Variants in CCDC148 observed in about 807,000 individuals in gnomAD.
CCDC148 encodes the protein coiled-coil domain-containing protein 148.
CCDC148 carries 89 observed loss-of-function variants against 85.7 expected under a neutral mutation model. The ratio of observed to expected loss-of-function variants is 1.04; its 90% CI spans 0.87 to 1.24. The LOEUF (loss-of-function observed/expected upper bound fraction) is 1.24. Among genes scored for constraint, CCDC148 ranks in the 50% most tolerant of loss-of-function variants. CCDC148 has a pLI of 0.00. For missense variants in CCDC148, 692 were observed against 671.7 expected (o/e 1.03, Z -0.33); for synonymous variants, 230 against 213.9 (o/e 1.08, Z -0.66).
chr2:158,339,407 T>C (rs1468297524), intron 5 of CCDC148, among the ~76,000 whole-genome samples: 1 of 152,174 alleles, frequency 6.6e-6, no homozygotes, highest in Admixed American at 6.5e-5. Context: ...TCCCTTGCAT[T>C]CTTGCCTCTA....
At chr2:158,380,162 A>C (rs1362695044) in intron 1 of CCDC148, among the ~76,000 whole-genome samples, 1 of 152,142 alleles carries the variant, frequency 6.6e-6, no homozygotes, top group Non-Finnish European at 1.5e-5. Flanking sequence ...GAAAACATGT[A>C]CAAAAAGATA....
At chr2:158,368,320 G>A (rs896151166) in intron 1 of CCDC148, among the ~76,000 whole-genome samples, 1 of 152,130 alleles carries the variant, frequency 6.6e-6, no homozygotes. Context: ...ACATATTTCA[G>A]ATAAGGGATT....
chr2:158,227,729 C>G (rs186164483), intron 10 of CCDC148, among the ~76,000 whole-genome samples: 1,662 of 152,108 alleles, frequency 0.011, 33 homozygotes, highest in African/African-American at 0.038. Context: ...TTTAATAAAT[C>G]GTGCTGGGAA....
chr2:158,280,420 G>A (rs1320974708), intron 9 of CCDC148, among the ~76,000 whole-genome samples: 1 of 152,082 alleles, frequency 6.6e-6, no homozygotes, highest in African/African-American at 2.4e-5. Context: ...CAAAATAAAG[G>A]GATGGAGGAA....
chr2:158,239,100 T>A (rs2105319409), intron 10 of CCDC148, among the ~76,000 whole-genome samples: 1 of 152,294 alleles, frequency 6.6e-6, no homozygotes, highest in South Asian at 2.1e-4. Flanking sequence ...AATACTGCCT[T>A]GCACATAGCA....
At chr2:158,281,084 A>T (rs943167743) in intron 9 of CCDC148, among the ~76,000 whole-genome samples, 1 of 152,214 alleles carries the variant, frequency 6.6e-6, no homozygotes, top group African/African-American at 2.4e-5. Flanking sequence ...ACCGACGAGA[A>T]CAAAGACACA....
chr2:158,423,486 A>G (rs1035590112), intron 1 of CCDC148, among the ~76,000 whole-genome samples: 2 of 152,232 alleles, frequency 1.3e-5, no homozygotes, highest in Non-Finnish European at 2.9e-5. Flanking sequence ...TATTTAATAA[A>G]TGGTGCTGGG....
intron 7 of CCDC148, among the ~76,000 whole-genome samples, chr2:158,335,597 A>T (rs764864931): frequency 5.3e-5 from 8 of 151,870 alleles, no homozygotes; most frequent in South Asian, 2.1e-4. Context: ...GTGGTGGGGA[A>T]CTCTCATTTA....
intron 10 of CCDC148, 50 bp from the exon 11 acceptor site, chr2:158,220,763 A>C (rs887203108): frequency 5.1e-6 from 7 of 1,385,870 alleles, no homozygotes; most frequent in Non-Finnish European, 6.9e-6. Flanking sequence ...GATATGTAAA[A>C]ATGAGGGAAA....
chr2:158,425,575 C>T (rs1483415921), intron 1 of CCDC148, among the ~76,000 whole-genome samples: 1 of 152,040 alleles, frequency 6.6e-6, no homozygotes, highest in Non-Finnish European at 1.5e-5. Flanking sequence ...ATAAATGCTT[C>T]CTTATGTGAT....
chr2:158,324,478 T>C lies in CCDC148; in HGVS notation c.765-10584A>G, dbSNP rs115272703. 9.6e-3 allele frequency among the ~76,000 whole-genome samples: 1,459 copies of C among 152,266 alleles called. 19 individuals are homozygous for C. Among genetic ancestry groups the C allele is most frequent in the African/African-American group, 0.033 (1,354 of 41,556 alleles). On this transcript the variant is annotated intron_variant, in intron 7 of 13. Coordinates refer to ENST00000283233, the MANE Select transcript of CCDC148 (RefSeq NM_138803.4). Reference sequence around the variant, plus strand: ...ATACTTGATGAAGCTCATTCCCTATTTGCTGGCTCTTTAGGTAGTTTTGAA... The same window carrying C: ...ATACTTGATGAAGCTCATTCCCTATCTGCTGGCTCTTTAGGTAGTTTTGAA...
intron 10 of CCDC148, among the ~76,000 whole-genome samples, chr2:158,241,906 T>C (rs1688366635): frequency 6.6e-6 from 1 of 152,182 alleles, no homozygotes. Context: ...GTCATGAAAC[T>C]TATGAAGTTA....
chr2:158,406,500 T>C (rs1574765354), intron 1 of CCDC148, among the ~76,000 whole-genome samples: 1 of 152,084 alleles, frequency 6.6e-6, no homozygotes. Flanking sequence ...CCTTTTGTTC[T>C]CTCTAATATT....
rs1208808211 is a variant in CCDC148, at chr2:158,250,904, T to C, written c.1119A>G (p.Gln373=). 15 of 1,596,996 alleles carry C rather than the reference T, an allele frequency of 9.4e-6. No individual in the cohort carries two copies. The highest frequency in any genetic ancestry group is 2.2e-5 in the East Asian group (1 of 44,712). The change falls in exon 10 of 14, where the codon CAA becomes CAG. Residue 373 remains glutamine, a synonymous_variant. Transcript: ENST00000283233. ...CTACCTCTTCTTGGTGGGCTCGCCA[T>C]TGACGAACCTGAAATAAAGAGAAAA... ...LCADLKAKVR[Q]WRAHQEEVAR...
intron 1 of CCDC148, among the ~76,000 whole-genome samples, chr2:158,427,566 C>A (rs2105329306): frequency 6.6e-6 from 1 of 152,032 alleles, no homozygotes; most frequent in South Asian, 2.1e-4. Context: ...TGCTGAGATA[C>A]TATGGCAAGG....
chr2:158,205,377 T>C (rs1486162917), intron 11 of CCDC148, among the ~76,000 whole-genome samples: 1 of 152,140 alleles, frequency 6.6e-6, no homozygotes, highest in African/African-American at 2.4e-5. Flanking sequence ...TATCTCTATC[T>C]GAGGCATGGA....
At chr2:158,204,026 A>G (rs1457582501) in intron 11 of CCDC148, among the ~76,000 whole-genome samples, 2 of 152,238 alleles carry the variant, frequency 1.3e-5, no homozygotes, top group Admixed American at 1.3e-4. Context: ...TCATTCAACT[A>G]TAACAAATCA....
At chr2:158,278,573 G>A (rs1241675504) in intron 9 of CCDC148, among the ~76,000 whole-genome samples, 3 of 152,330 alleles carry the variant, frequency 2.0e-5, no homozygotes, top group South Asian at 4.1e-4. Flanking sequence ...GAGGCTGGGG[G>A]AGGGGCGCCC....
At chr2:158,361,294 A>C (rs2105269919) in intron 1 of CCDC148, among the ~76,000 whole-genome samples, 1 of 152,224 alleles carries the variant, frequency 6.6e-6, no homozygotes, top group African/African-American at 2.4e-5. Context: ...AGCAAGACAG[A>C]CCAATATTCA....
Sources: gnomAD v4.1 joint callset for allele counts (sites outside exome capture counted in the v4.1 genomes callset) on GRCh38, gnomAD v4.1.1 for gene constraint, MANE v1.5 for transcripts, NCBI Gene and HGNC (gene_info 2026-07-23, HGNC 2026-07-21) for gene names.